Variants in TSHZ2 observed in about 807,000 individuals in gnomAD.
TSHZ2 encodes teashirt zinc finger homeobox 2.
Under a neutral mutation model 74.4 loss-of-function variants are expected in TSHZ2, and 21 were observed. That is an observed-to-expected ratio of 0.28 (90% CI 0.20 to 0.41). The LOEUF (loss-of-function observed/expected upper bound fraction) is 0.41. Ranked by LOEUF, TSHZ2 falls within the 10% of genes least tolerant of loss-of-function variation. The pLI is 1.00. For synonymous variants in TSHZ2, 540 were observed against 515.3 expected (o/e 1.05, Z -0.65); for missense variants, 1,244 against 1,293.5 (o/e 0.96, Z 0.59).
intron 1 of TSHZ2, among the ~76,000 whole-genome samples, chr20:53,134,993 T>C (rs867889771): frequency 6.5e-4 from 67 of 103,746 alleles, no homozygotes; most frequent in South Asian, 3.5e-3. Flanking sequence ...CACACACACA[T>C]ACATGCACAT....
At chr20:53,413,632 T>C (rs1006151360) in intron 2 of TSHZ2, among the ~76,000 whole-genome samples, 6 of 152,206 alleles carry the variant, frequency 3.9e-5, no homozygotes, top group Admixed American at 2.6e-4. Context: ...GTTTGACACA[T>C]AGCAAGGACT....
Position 53,074,774 on chromosome 20 carries a change from A to G in TSHZ2, c.40+101441A>G, listed in dbSNP as rs961332033. Reference sequence around the variant, plus strand: ...CTGTGCCAGGGAAGGTGCTGAAGGAACTAGCATGTGTATTACTCGTTTTTC... The same window carrying G: ...CTGTGCCAGGGAAGGTGCTGAAGGAGCTAGCATGTGTATTACTCGTTTTTC... On this transcript the variant is annotated intron_variant, in intron 1 of 2. Transcript: ENST00000371497. This position sits in a 1 kb window ranked among gnomAD's most constrained non-coding sequence, Gnocchi z 5.9. Among the ~76,000 whole-genome samples the G allele has an allele frequency of 6.6e-6, 1 of 152,198 alleles. No homozygotes were observed. Among genetic ancestry groups the G allele is most frequent in the African/African-American group, 2.4e-5 (1 of 41,448 alleles).
At chr20:53,395,144 C>A (rs1238064817) in intron 2 of TSHZ2, among the ~76,000 whole-genome samples, 1 of 152,168 alleles carries the variant, frequency 6.6e-6, no homozygotes, top group Non-Finnish European at 1.5e-5. Context: ...GCACAACCCA[C>A]CAGATCAATG....
rs375079797 is a variant in TSHZ2 at position 53,385,902 on chromosome 20, G to C, written c.*9-101242G>C. 3.9e-4 allele frequency among the ~76,000 whole-genome samples: 59 copies of C among 152,330 alleles called. No homozygotes were observed. The South Asian group carries it at 0.012, about 31-fold the overall frequency. On this transcript the variant is annotated intron_variant, in intron 2 of 2. Coordinates refer to ENST00000371497, the MANE Select transcript of TSHZ2 (RefSeq NM_173485.6). ...AGAGTGGCCCAGACAAGCCTGGAGA[G>C]AAAAGTAGAGACCAGATCACTCCGG...
intron 2 of TSHZ2, among the ~76,000 whole-genome samples, chr20:53,432,213 G>A (rs898291368): frequency 2.4e-4 from 37 of 152,286 alleles, no homozygotes; most frequent in African/African-American, 8.2e-4. Flanking sequence ...TTATAAGTGA[G>A]AACATATGGC....
At chr20:53,402,074 T>C (rs575765383) in intron 2 of TSHZ2, among the ~76,000 whole-genome samples, 11 of 152,314 alleles carry the variant, frequency 7.2e-5, no homozygotes, top group Non-Finnish European at 1.3e-4. Flanking sequence ...TGAGCCACCG[T>C]GCCCAGCCAT....
At chr20:53,441,231 T>G (rs1479196961) in intron 2 of TSHZ2, among the ~76,000 whole-genome samples, 12,756 of 77,296 alleles carry the variant, frequency 0.17, 1,292 homozygotes, top group African/African-American at 0.39. Context: ...GTTTATTTTA[T>G]TTTATTTTAT....
chr20:53,001,186 T>TTG (rs1383119218), intron 1 of TSHZ2, among the ~76,000 whole-genome samples: 4 of 105,400 alleles, frequency 3.8e-5, no homozygotes, highest in Admixed American at 3.5e-4. Context: ...AATGACAATG[T>TTG]TGTGTGTGCG....
chr20:53,241,658 T>C (rs553367980), intron 1 of TSHZ2, among the ~76,000 whole-genome samples: 2 of 152,250 alleles, frequency 1.3e-5, no homozygotes, highest in East Asian at 1.9e-4. Context: ...GTTCTTGTGA[T>C]GGTAATGAGA....
At chr20:53,096,545 A>G (rs1041017504) in intron 1 of TSHZ2, among the ~76,000 whole-genome samples, 2 of 152,012 alleles carry the variant, frequency 1.3e-5, no homozygotes, top group African/African-American at 4.8e-5. Context: ...TATGAGCTCT[A>G]ATTTTGTATG....
chr20:53,235,635 T>G (rs1452239446), intron 1 of TSHZ2, among the ~76,000 whole-genome samples: 2 of 152,230 alleles, frequency 1.3e-5, no homozygotes, highest in Non-Finnish European at 1.5e-5. Flanking sequence ...CAGTAGGTAC[T>G]TGAAGAAATA....
intron 1 of TSHZ2, among the ~76,000 whole-genome samples, chr20:53,114,531 G>C (rs946574609): frequency 1.2e-4 from 19 of 152,196 alleles, no homozygotes; most frequent in Non-Finnish European, 2.6e-4. Flanking sequence ...GCTCTTTCCA[G>C]TGCAGTCTGG....
intron 1 of TSHZ2, among the ~76,000 whole-genome samples, chr20:53,124,968 A>C (rs1986907628): frequency 6.6e-6 from 1 of 152,242 alleles, no homozygotes; most frequent in Non-Finnish European, 1.5e-5. Flanking sequence ...AGCCATAGAT[A>C]ATTTGTAAGC....
chr20:53,370,623 G>C (rs982909149), intron 2 of TSHZ2, among the ~76,000 whole-genome samples: 2 of 152,022 alleles, frequency 1.3e-5, no homozygotes, highest in African/African-American at 4.8e-5. Flanking sequence ...AATTAGCCAG[G>C]CATGGTGGCA....
chr20:53,030,808 T>C (rs988826073), intron 1 of TSHZ2, among the ~76,000 whole-genome samples: 2 of 152,224 alleles, frequency 1.3e-5, no homozygotes, highest in African/African-American at 4.8e-5. Context: ...AATGTAAACA[T>C]TATAATCATA....
At chr20:53,157,458 G>A (rs1568787024) in intron 1 of TSHZ2, among the ~76,000 whole-genome samples, 2 of 148,692 alleles carry the variant, frequency 1.3e-5, no homozygotes, top group Admixed American at 6.7e-5. Flanking sequence ...CCAGGCTGGA[G>A]TGCAGTGGCA....
At chr20:53,453,470 A>T (rs142392791) in intron 2 of TSHZ2, among the ~76,000 whole-genome samples, 288 of 152,326 alleles carry the variant, frequency 1.9e-3, no homozygotes, top group African/African-American at 6.7e-3. Context: ...GGGGTCCTTC[A>T]GACCAGCCAT....
intron 2 of TSHZ2, among the ~76,000 whole-genome samples, chr20:53,290,062 A>G (rs1991251345): frequency 6.6e-6 from 1 of 152,246 alleles, no homozygotes; most frequent in African/African-American, 2.4e-5. Flanking sequence ...AGAAATTTAC[A>G]TTAAACTCCA....
chr20:53,484,139 G>A (rs1216993255), intron 2 of TSHZ2, among the ~76,000 whole-genome samples: 3 of 152,126 alleles, frequency 2.0e-5, no homozygotes, highest in Non-Finnish European at 4.4e-5. Context: ...AGACCTGCCA[G>A]AGGATCTCAA....
Sources: gnomAD v4.1 joint callset for allele counts (sites outside exome capture counted in the v4.1 genomes callset) on GRCh38, gnomAD v4.1.1 for gene constraint, Gnocchi (gnomAD v3.1) non-coding constraint, MANE v1.5 for transcripts, NCBI Gene and HGNC (gene_info 2026-07-23, HGNC 2026-07-21) for gene names.